The following XXYLT1 variants were observed in gnomAD, a reference collection of about 807,000 sequenced individuals.
XXYLT1 encodes UDP-xylose:alpha-xyloside alpha-1,3-xylosyltransferase.
Under a neutral mutation model 28.9 loss-of-function variants are expected in XXYLT1, and 20 were observed. The ratio of observed to expected loss-of-function variants is 0.69; its 90% CI spans 0.49 to 1.00. The LOEUF (loss-of-function observed/expected upper bound fraction) is 1.00. Among genes scored for constraint, XXYLT1 ranks in the 50% least tolerant of loss-of-function variants. The pLI, the probability that XXYLT1 is intolerant of heterozygous loss-of-function variation, is 0.00. For missense variants in XXYLT1, 542 were observed against 560.1 expected, an observed-to-expected ratio of 0.97 and a Z score of 0.33; for synonymous variants, 257 against 253.8, an observed-to-expected ratio of 1.01 and a Z score of -0.12.
chr3:195,243,559 C>CA (rs569129375), intron 1 of XXYLT1, among the ~76,000 whole-genome samples: 6 of 152,164 alleles, frequency 3.9e-5, no homozygotes, highest in Non-Finnish European at 5.9e-5. Flanking sequence ...CCTGGAGTGA[C>CA]AGACAGATAA....
chr3:195,256,704 C>A lies in XXYLT1; in HGVS notation c.504+13851G>T. On this transcript the variant is annotated intron_variant, in intron 1 of 3. Transcript: ENST00000310380. The surrounding 1 kb of genome is among the most constrained non-coding windows in gnomAD (Gnocchi z 4.2). ...TCCCCACTCCTCTTATGATGAGAAA[C>A]TGAGGCAAAGACATCAGAAGGCCTT... is the stretch of plus-strand genomic sequence containing the variant. 4 of 491,238 alleles carry A rather than the reference C, an allele frequency of 8.1e-6. No homozygotes were observed. The South Asian group carries it at 3.5e-4, about 42-fold the overall frequency. 30.4% of individuals were successfully genotyped at this position (491,238 alleles called of 1,614,324 possible).
chr3:195,122,883 C>T (rs900294132), intron 3 of XXYLT1, among the ~76,000 whole-genome samples: 2 of 152,118 alleles, frequency 1.3e-5, no homozygotes, highest in South Asian at 4.1e-4. Flanking sequence ...ACTGAGCCCT[C>T]TGTGCTCAGA....
chr3:195,256,358 G>T lies in XXYLT1; in HGVS notation c.504+14197C>A. ...GCAACTGTGGCTCATTGACGGTGACGATAAACCTGAGACAGCTCTGGTCAT... is the reference window on the plus strand; with the variant it reads ...GCAACTGTGGCTCATTGACGGTGACTATAAACCTGAGACAGCTCTGGTCAT... On this transcript the variant is annotated intron_variant, in intron 1 of 3. Coordinates refer to ENST00000310380, the MANE Select transcript of XXYLT1 (RefSeq NM_152531.5). The surrounding 1 kb of genome is among the most constrained non-coding windows in gnomAD (Gnocchi z 4.2). The T allele has an allele frequency of 2.1e-6, 1 of 478,890 alleles. No individual in the cohort carries two copies. Among genetic ancestry groups the T allele is most frequent in the Non-Finnish European group, 2.7e-6 (1 of 367,264 alleles). The allele number at this position is 478,890 out of a possible 1,614,324, so 29.7% of individuals were successfully genotyped here. A position where few individuals can be genotyped will look rare whatever the true frequency, so the allele number is the denominator to read the frequency against.
intron 3 of XXYLT1, among the ~76,000 whole-genome samples, chr3:195,127,047 C>T (rs759965017): frequency 5.3e-5 from 8 of 152,130 alleles, no homozygotes; most frequent in Admixed American, 1.3e-4. Context: ...CAGAGCCAGG[C>T]TAAGAAAATG....
chr3:195,085,353 C>A lies in XXYLT1; in HGVS notation c.786-15242G>T, dbSNP rs1366999794. Among the ~76,000 whole-genome samples, 3 of 152,354 alleles carry A rather than the reference C, an allele frequency of 2.0e-5. No individual in the cohort carries two copies. The East Asian group carries it at 5.8e-4, about 29-fold the overall frequency. The stretch of plus-strand genomic sequence containing the variant: ...GGTCCCCACCCCTGGCCCTGCCGCT[C>A]CGGCTCCAAGCTGGTTCAGAAAATA... On this transcript the variant is annotated intron_variant, in intron 3 of 3. Coordinates refer to ENST00000310380, the MANE Select transcript of XXYLT1 (RefSeq NM_152531.5).
chr3:195,186,899 T>G (rs578070523), intron 2 of XXYLT1, among the ~76,000 whole-genome samples: 1 of 151,074 alleles, frequency 6.6e-6, no homozygotes, highest in Non-Finnish European at 1.5e-5. Flanking sequence ...GGCTGAAGTT[T>G]TTTTTTTTTT....
At chr3:195,204,921 T>C (rs75217517) in intron 2 of XXYLT1, among the ~76,000 whole-genome samples, 5,014 of 152,342 alleles carry the variant, frequency 0.033, 149 homozygotes, top group East Asian at 0.1. Flanking sequence ...CAGTTTCACA[T>C]GCAAGATAAT....
chr3:195,221,937 C>A (rs981706725), intron 2 of XXYLT1, among the ~76,000 whole-genome samples: 1 of 152,118 alleles, frequency 6.6e-6, no homozygotes, highest in Non-Finnish European at 1.5e-5. Context: ...AAGAGAAAAA[C>A]AAGCTCTGAC....
At chr3:195,116,494 C>T (rs1218551047) in intron 3 of XXYLT1, among the ~76,000 whole-genome samples, 1 of 152,140 alleles carries the variant, frequency 6.6e-6, no homozygotes, top group Non-Finnish European at 1.5e-5. Flanking sequence ...AAACTATTTA[C>T]AGGTGCACTG....
At position 195,233,531 on chromosome 3, in the gene XXYLT1, T is replaced by C. The variant is rs113180970; in HGVS notation, c.505-6675A>G. ...CCATTGTATGTTTTTAGACTTGAGGTTGCCATGAGATTTGCAAATAATATT... is the reference window on the plus strand; with the variant it reads ...CCATTGTATGTTTTTAGACTTGAGGCTGCCATGAGATTTGCAAATAATATT... On this transcript the variant is annotated intron_variant, in intron 1 of 3. Coordinates refer to ENST00000310380, the MANE Select transcript of XXYLT1 (RefSeq NM_152531.5). 2.1e-3 allele frequency among the ~76,000 whole-genome samples: 315 copies of C among 152,324 alleles called. 3 individuals carry two copies. Among genetic ancestry groups the C allele is most frequent in the Middle Eastern group, 6.8e-3 (2 of 294 alleles).
Position 195,078,998 on chromosome 3 carries a change from C to T in XXYLT1, c.786-8887G>A, listed in dbSNP as rs531107260. Among the ~76,000 whole-genome samples the T allele has an allele frequency of 2.0e-5, 3 of 152,310 alleles. No individual in the cohort carries two copies. Among genetic ancestry groups the T allele is most frequent in the East Asian group, 1.9e-4 (1 of 5,188 alleles). ...GATGGGAACTGAGATCCCTCTCTGG[C>T]GGCAACGTCCTGACCCACCCTGCAC... On this transcript the variant is annotated intron_variant, in intron 3 of 3. Transcript: ENST00000310380. This position sits in a 1 kb window ranked among gnomAD's most constrained non-coding sequence, Gnocchi z 5.0.
At chr3:195,236,871 G>C (rs558381328) in intron 1 of XXYLT1, among the ~76,000 whole-genome samples, 6 of 152,190 alleles carry the variant, frequency 3.9e-5, no homozygotes, top group Admixed American at 2.0e-4. Flanking sequence ...TCTGGCCCAG[G>C]GTGTCTAGAA....
At chr3:195,177,423 G>C (rs1721724472) in intron 2 of XXYLT1, among the ~76,000 whole-genome samples, 1 of 152,134 alleles carries the variant, frequency 6.6e-6, no homozygotes. Context: ...GATAGAGAAA[G>C]ATACTTACCA....
At chr3:195,136,228 C>T (rs1016379460) in intron 3 of XXYLT1, among the ~76,000 whole-genome samples, 3 of 152,144 alleles carry the variant, frequency 2.0e-5, no homozygotes, top group Admixed American at 6.5e-5. Flanking sequence ...GAGATCCACT[C>T]GGACAGCGCT....
chr3:195,268,011 G>A (rs1253316133), intron 1 of XXYLT1, among the ~76,000 whole-genome samples: 2 of 152,202 alleles, frequency 1.3e-5, no homozygotes, highest in Non-Finnish European at 2.9e-5. Context: ...GGAATGCCAG[G>A]TGCAGTGGTG....
chr3:195,160,820 G>C (rs1317104603), intron 2 of XXYLT1, among the ~76,000 whole-genome samples: 1 of 152,234 alleles, frequency 6.6e-6, no homozygotes, highest in African/African-American at 2.4e-5. Context: ...CACAGACCCA[G>C]GGCGTGTCCC....
intron 3 of XXYLT1, among the ~76,000 whole-genome samples, chr3:195,122,936 A>G (rs1718439728): frequency 6.6e-6 from 1 of 152,194 alleles, no homozygotes; most frequent in South Asian, 2.1e-4. Flanking sequence ...GCTATAAGCC[A>G]GGAGCCCGGG....
intron 1 of XXYLT1, among the ~76,000 whole-genome samples, chr3:195,230,523 TAG>T (rs1724255584): frequency 1.3e-5 from 2 of 152,016 alleles, no homozygotes; most frequent in African/African-American, 2.4e-5. Context: ...TTTGTGGTCT[TAG>T]ATTTAAGTCT....
intron 3 of XXYLT1, among the ~76,000 whole-genome samples, chr3:195,102,736 C>T (rs965813172): frequency 2.6e-5 from 4 of 152,020 alleles, no homozygotes; most frequent in Admixed American, 6.6e-5. Flanking sequence ...AGGTTCTTTC[C>T]GTATCTTGGC....
Sources: allele counts gnomAD v4.1 joint callset (sites outside exome capture counted in the v4.1 genomes callset), GRCh38; gene constraint gnomAD v4.1.1; non-coding constraint Gnocchi (gnomAD v3.1); transcripts MANE v1.5; gene names NCBI Gene and HGNC (gene_info 2026-07-23, HGNC 2026-07-21).